Variants in PREX2 observed in about 807,000 individuals in gnomAD.
The protein encoded by PREX2 is phosphatidylinositol 3,4,5-trisphosphate-dependent Rac exchanger 2 protein.
In PREX2, 107 loss-of-function variants were observed where a neutral mutation model predicts 203.2. The observed-to-expected ratio is 0.53, with a 90% CI of 0.45 to 0.62. The LOEUF is 0.62. Among genes scored for constraint, PREX2 ranks in the 20% least tolerant of loss-of-function variants. PREX2 has a pLI of 0.00. For synonymous variants in PREX2, 672 were observed against 663.6 expected (o/e 1.01, Z -0.19); for missense variants, 1,777 against 1,955.9 (o/e 0.91, Z 1.72).
Position 68,037,043 on chromosome 8 carries a change from G to C in PREX2, c.706-1116G>C, listed in dbSNP as rs1808055142. On this transcript the variant is annotated intron_variant, in intron 6 of 39. Transcript: ENST00000288368. The stretch of plus-strand genomic sequence containing the variant: ...TTCTGAATAATTCCCCATTTTGGAA[G>C]TTTGAGTTGTCGTTGTAGGTGTTAG... 4.6e-5 allele frequency among the ~76,000 whole-genome samples: 7 copies of C among 152,168 alleles called. 1 individual carries two copies. The South Asian group carries it at 1.4e-3, about 32-fold the overall frequency.
chr8:68,019,803 G>A (rs1312820268), intron 3 of PREX2, 132 bp downstream of exon 3: 2 of 802,500 alleles, frequency 2.5e-6, no homozygotes, highest in African/African-American at 1.7e-5. Flanking sequence ...GTCTTTTAAG[G>A]CCAATGAGAT....
chr8:68,218,137 C>A (rs1017086510), intron 38 of PREX2, among the ~76,000 whole-genome samples: 2 of 152,078 alleles, frequency 1.3e-5, no homozygotes, highest in South Asian at 4.1e-4. Flanking sequence ...TGGTGACTGC[C>A]AAGGGACATT....
intron 33 of PREX2, among the ~76,000 whole-genome samples, chr8:68,139,858 A>G (rs1312678588): frequency 6.6e-6 from 1 of 152,206 alleles, no homozygotes; most frequent in Non-Finnish European, 1.5e-5. Context: ...GATAAGGATA[A>G]TATTATTTGA....
chr8:68,014,455 G>T (rs964315600), intron 1 of PREX2, among the ~76,000 whole-genome samples: 1 of 152,074 alleles, frequency 6.6e-6, no homozygotes, highest in Admixed American at 6.5e-5. Context: ...TGCGGGGGGG[G>T]CGGCATATGT....
intron 1 of PREX2, among the ~76,000 whole-genome samples, chr8:67,977,170 G>A (rs189804717): frequency 2.5e-3 from 379 of 152,216 alleles, no homozygotes; most frequent in Middle Eastern, 0.014. Flanking sequence ...GGATTAGTAC[G>A]CTTATAAAAA....
At chr8:68,073,073 C>T (rs1809246636) in intron 14 of PREX2, among the ~76,000 whole-genome samples, 1 of 151,782 alleles carries the variant, frequency 6.6e-6, no homozygotes, top group South Asian at 2.1e-4. Flanking sequence ...TAGATGCTGA[C>T]TGCTAGAATT....
In PREX2 at chr8:68,077,466, C is replaced by G. The variant is rs765133565; in HGVS notation, c.1639C>G (p.His547Asp). ...VGLCDNGFMH[H>D]VLEKSEFKDE... ...ACTCTGTGACAATGGATTTATGCAC[C>G]ATGGTAGGGATTTTTTACCCTGGGA... The change falls in exon 15 of 40, where the codon CAT becomes GAT. Residue 547 changes from histidine to aspartate, a missense_variant. Coordinates refer to ENST00000288368, the MANE Select transcript of PREX2 (RefSeq NM_024870.4). 1 of 1,608,528 alleles carries G rather than the reference C, an allele frequency of 6.2e-7. No individual in the cohort carries two copies. Among genetic ancestry groups the G allele is most frequent in the Non-Finnish European group, 8.5e-7 (1 of 1,174,990 alleles).
chr8:68,025,640 G>A (rs2129610370), intron 4 of PREX2, among the ~76,000 whole-genome samples: 1 of 152,088 alleles, frequency 6.6e-6, no homozygotes, highest in Middle Eastern at 3.4e-3. Context: ...ATATTGGTAA[G>A]CTTAATGTTT....
rs567858303 is a variant in PREX2, at chr8:68,018,361, C to T, written c.213+444C>T. Among the ~76,000 whole-genome samples, 135 of 151,948 alleles carry T rather than the reference C, an allele frequency of 8.9e-4. 4 individuals carry two copies. In the South Asian group the frequency reaches 0.021, roughly 23 times the overall value. ...ACATGCGTGTAATCCTAGCTACTCT[C>T]GAGGCTGAGGCAGGAGAATTGCTTG... On this transcript the variant is annotated intron_variant, in intron 2 of 39. Transcript: ENST00000288368.
At chr8:68,138,590 TA>T in intron 33 of PREX2, 73 bp downstream of exon 33, 1 of 671,512 alleles carries the variant, frequency 1.5e-6, no homozygotes. Context: ...GGTATTAATA[TA>T]TTTGATAAGT....
At chr8:68,215,090 C>G in intron 37 of PREX2, among the ~76,000 whole-genome samples, 1 of 152,130 alleles carries the variant, frequency 6.6e-6, no homozygotes. Flanking sequence ...TTTCAGAGAG[C>G]ATGTTCCTGG....
intron 35 of PREX2, among the ~76,000 whole-genome samples, chr8:68,167,002 A>G (rs778982124): frequency 1.3e-5 from 2 of 152,182 alleles, no homozygotes; most frequent in Non-Finnish European, 2.9e-5. Context: ...AAATTAAAGC[A>G]TTTGTAGAGA....
rs774315345 is a variant in PREX2 at position 68,019,581 on chromosome 8, A to G, written c.246A>G (p.Ala82=). Reference sequence around the variant, plus strand: ...TCTCAAACATTGAAGACATCCTTGCAGTACATAAAGAATTCTTAAAAGTCG... The same window carrying G: ...TCTCAAACATTGAAGACATCCTTGCGGTACATAAAGAATTCTTAAAAGTCG... The part of the protein sequence containing the change: ...MLFSNIEDIL[A]VHKEFLKVVE... Residue 82 remains alanine, a synonymous_variant, in exon 3 of 40, where the codon GCA becomes GCG. Coordinates refer to ENST00000288368, the MANE Select transcript of PREX2 (RefSeq NM_024870.4). The G allele has an allele frequency of 6.2e-7, 1 of 1,612,834 alleles. No homozygotes were observed. The highest frequency in any genetic ancestry group is 2.2e-5 in the East Asian group (1 of 44,836).
intron 23 of PREX2, chr8:68,103,668 C>T (rs754557001): frequency 1.9e-6 from 1 of 519,308 alleles, no homozygotes. Flanking sequence ...CTGTATTTTG[C>T]CAAAGTCTAT....
chr8:68,115,856 C>T lies in PREX2; in HGVS notation c.3250C>T (p.Arg1084Trp), dbSNP rs776025075. Residue 1084 changes from arginine to tryptophan, a missense_variant, in exon 26 of 40, where the codon CGG becomes TGG. By Grantham distance (101) the Arg-to-Trp change is moderately radical (BLOSUM62 -3). Transcript: ENST00000288368. ...DNEKGERNSK[R>W]VCFNVAGDEQ... is the part of the protein sequence containing the mutation. ...TGAGAAGGGAGAAAGAAACAGCAAA[C>T]GGGTATGTTTTAATGTAGCAGGAGA... 9.9e-6 allele frequency: 16 copies of T among 1,613,602 alleles called. No individual in the cohort carries two copies. The highest frequency in any genetic ancestry group is 7.7e-5 in the South Asian group (7 of 91,076).
rs144000953 is a variant in PREX2 at position 68,193,600 on chromosome 8, A to G, written c.4604+1075A>G. ...AGCAAAAAAAATTTCAAAAATATTA[A>G]CAAAAATAACATAATGATAAAAGTA... On this transcript the variant is annotated intron_variant, in intron 37 of 39. Transcript: ENST00000288368. Among the ~76,000 whole-genome samples, 480 of 152,340 alleles carry G rather than the reference A, an allele frequency of 3.2e-3. 4 individuals are homozygous for G. Among genetic ancestry groups the G allele is most frequent in the African/African-American group, 0.01 (428 of 41,592 alleles).
At chr8:68,128,518 G>A (rs188746542) in intron 31 of PREX2, among the ~76,000 whole-genome samples, 60 of 152,098 alleles carry the variant, frequency 3.9e-4, no homozygotes, top group Non-Finnish European at 7.8e-4. Flanking sequence ...CAGGTGGTGG[G>A]TTGGCTAGGC....
At chr8:67,978,124 G>A (rs1047367099) in intron 1 of PREX2, among the ~76,000 whole-genome samples, 1 of 152,136 alleles carries the variant, frequency 6.6e-6, no homozygotes, top group African/African-American at 2.4e-5. Flanking sequence ...TCAACCTGTG[G>A]AATCTGACGC....
chr8:68,051,447 T>A (rs1274491010), intron 8 of PREX2, among the ~76,000 whole-genome samples: 2 of 152,250 alleles, frequency 1.3e-5, no homozygotes, highest in Non-Finnish European at 2.9e-5. Flanking sequence ...GAAAAAAAGC[T>A]TGGGCTTGTA....
Sources: allele counts gnomAD v4.1 joint callset (sites outside exome capture counted in the v4.1 genomes callset), GRCh38; gene constraint gnomAD v4.1.1; transcripts MANE v1.5; gene names NCBI Gene and HGNC (gene_info 2026-07-23, HGNC 2026-07-21).